Variants in KHDRBS3 observed in about 807,000 individuals in gnomAD.
KHDRBS3 encodes the protein KH domain-containing, RNA-binding, signal transduction-associated protein 3.
Under a neutral mutation model 45.6 loss-of-function variants are expected in KHDRBS3, and 23 were observed. That is an observed-to-expected ratio of 0.50 (90% CI 0.36 to 0.72). The LOEUF (loss-of-function observed/expected upper bound fraction) is 0.72. Among genes scored for constraint, KHDRBS3 ranks in the 30% least tolerant of loss-of-function variants. The pLI is 0.00. For synonymous variants in KHDRBS3, 162 were observed against 156.5 expected, an observed-to-expected ratio of 1.04 and a Z score of -0.26; for missense variants, 352 against 424.8, an observed-to-expected ratio of 0.83 and a Z score of 1.51.
At chr8:135,500,952 C>T (rs192841814) in intron 1 of KHDRBS3, among the ~76,000 whole-genome samples, 119 of 152,088 alleles carry the variant, frequency 7.8e-4, no homozygotes, top group African/African-American at 2.8e-3. Context: ...ATTGTTTTAG[C>T]CAAAAAACAT....
intron 3 of KHDRBS3, among the ~76,000 whole-genome samples, chr8:135,548,071 A>G (rs1246690473): frequency 6.6e-6 from 1 of 152,240 alleles, no homozygotes; most frequent in African/African-American, 2.4e-5. Flanking sequence ...CAGATAGAAT[A>G]TAGTGCTTGG....
Position 135,593,896 on chromosome 8 carries a change from G to A in KHDRBS3, c.807+11823G>A, listed in dbSNP as rs775842614. Among the ~76,000 whole-genome samples the A allele has an allele frequency of 1.0e-3, 155 of 152,168 alleles. 6 individuals carry two copies. Among genetic ancestry groups the A allele is most frequent in the Non-Finnish European group, 2.8e-4 (19 of 68,038 alleles). Reference sequence around the variant, plus strand: ...GGAAAGTACAACTGCTTGATGGAATGTGGTAAGACTTTAGAGGAGACAACA... The same window carrying A: ...GGAAAGTACAACTGCTTGATGGAATATGGTAAGACTTTAGAGGAGACAACA... On this transcript the variant is annotated intron_variant, in intron 6 of 8. Coordinates refer to ENST00000355849, the MANE Select transcript of KHDRBS3 (RefSeq NM_006558.3).
chr8:135,483,032 G>A lies in KHDRBS3; in HGVS notation c.88+25078G>A, dbSNP rs546290927. 6.8e-4 allele frequency among the ~76,000 whole-genome samples: 104 copies of A among 152,186 alleles called. 1 individual carries two copies. The South Asian group carries it at 0.02, about 30-fold the overall frequency. On this transcript the variant is annotated intron_variant, in intron 1 of 8. Coordinates refer to ENST00000355849, the MANE Select transcript of KHDRBS3 (RefSeq NM_006558.3). ...TGTTGTTCTCATGCTTATTCCTGGA[G>A]ACAATATCATTATTTGTTTTTTTTG...
chr8:135,557,606 T>G lies in KHDRBS3; in HGVS notation c.611+19T>G, dbSNP rs182855563. 1 of 1,598,010 alleles carries G rather than the reference T, an allele frequency of 6.3e-7. No homozygotes were observed. Among genetic ancestry groups the G allele is most frequent in the African/African-American group, 1.3e-5 (1 of 74,446 alleles). ...TAACCAGGTAGGTGTAAATTTTTTT[T>G]TAGGTTAACATACCGTGGCAGCAGT... On this transcript the variant is annotated intron_variant, in intron 5 of 8. Coordinates refer to ENST00000355849, the MANE Select transcript of KHDRBS3 (RefSeq NM_006558.3).
At chr8:135,530,576 G>A (rs1166776561) in intron 2 of KHDRBS3, among the ~76,000 whole-genome samples, 1 of 152,150 alleles carries the variant, frequency 6.6e-6, no homozygotes, top group African/African-American at 2.4e-5. Flanking sequence ...ACCTGTGTCT[G>A]TTCTGACTGT....
intron 7 of KHDRBS3, among the ~76,000 whole-genome samples, chr8:135,616,363 C>T (rs1829915987): frequency 6.6e-6 from 1 of 152,162 alleles, no homozygotes; most frequent in South Asian, 2.1e-4. Context: ...GTAGAGAAGA[C>T]CACCACATGG....
chr8:135,653,248 A>G, intron 4 of KHDRBS3, among the ~76,000 whole-genome samples: 1 of 152,186 alleles, frequency 6.6e-6, no homozygotes. Context: ...TTCCTTAAAG[A>G]TAGAAGAACC....
intron 5 of KHDRBS3, among the ~76,000 whole-genome samples, chr8:135,569,819 A>T (rs2130880292): frequency 6.6e-6 from 1 of 152,214 alleles, no homozygotes; most frequent in East Asian, 1.9e-4. Flanking sequence ...CTCAGTGCGG[A>T]GTGCCAGGCT....
chr8:135,473,586 T>C (rs1392004838), intron 1 of KHDRBS3, among the ~76,000 whole-genome samples: 1 of 152,178 alleles, frequency 6.6e-6, no homozygotes, highest in Non-Finnish European at 1.5e-5. Flanking sequence ...AATTGCCGGA[T>C]TTCCCCAGTC....
chr8:135,646,933 A>G (rs374349544), intron 8 of KHDRBS3, 60 bp from the exon 9 acceptor site: 18 of 930,790 alleles, frequency 1.9e-5, no homozygotes, highest in African/African-American at 1.5e-4. Context: ...AGAGTCTGAA[A>G]AATGAAGCCT....
rs562962806 is a variant in KHDRBS3, at chr8:135,624,871, G to A, written c.890+17834G>A. Among the ~76,000 whole-genome samples, 13 of 152,222 alleles carry A rather than the reference G, an allele frequency of 8.5e-5. No homozygotes were observed. The South Asian group carries it at 1.5e-3, about 17-fold the overall frequency. ...TACATTTCTCCACTGAGGTCGCCAC[G>A]TCAGCATATTATATAACACCTTCTC... On this transcript the variant is annotated intron_variant, in intron 7 of 8. Coordinates refer to ENST00000355849, the MANE Select transcript of KHDRBS3 (RefSeq NM_006558.3).
chr8:135,603,992 T>C (rs1829336689), intron 6 of KHDRBS3, among the ~76,000 whole-genome samples: 1 of 152,064 alleles, frequency 6.6e-6, no homozygotes, highest in Non-Finnish European at 1.5e-5. Flanking sequence ...TACTTATTAC[T>C]GAAAGTGTGT....
At chr8:135,497,432 A>C (rs1823512928) in intron 1 of KHDRBS3, among the ~76,000 whole-genome samples, 1 of 151,888 alleles carries the variant, frequency 6.6e-6, no homozygotes, top group Non-Finnish European at 1.5e-5. Flanking sequence ...GGCTGTTTTC[A>C]AGGCCTTTAG....
intron 7 of KHDRBS3, among the ~76,000 whole-genome samples, chr8:135,640,826 T>C (rs1163722644): frequency 6.6e-6 from 1 of 152,220 alleles, no homozygotes; most frequent in Non-Finnish European, 1.5e-5. Flanking sequence ...TGTCCATAAA[T>C]GAAGAGATTT....
In KHDRBS3 at chr8:135,598,199, T is replaced by G. The variant is rs1829054444; in HGVS notation, c.808-8756T>G. Among the ~76,000 whole-genome samples the G allele has an allele frequency of 2.0e-5, 3 of 152,238 alleles. No individual in the cohort carries two copies. In the South Asian group the frequency reaches 6.2e-4, roughly 32 times the overall value. On this transcript the variant is annotated intron_variant, in intron 6 of 8. Coordinates refer to ENST00000355849, the MANE Select transcript of KHDRBS3 (RefSeq NM_006558.3). ...TTCATCATATTCTATAAAAGTCAAA[T>G]ACCTTGGATAGCTTTGATTTTTCTC...
chr8:135,577,032 T>G (rs1403291024), intron 5 of KHDRBS3, among the ~76,000 whole-genome samples: 1 of 152,088 alleles, frequency 6.6e-6, no homozygotes, highest in Non-Finnish European at 1.5e-5. Context: ...TACAGTGACA[T>G]CAGAATGGTT....
intron 4 of KHDRBS3, among the ~76,000 whole-genome samples, chr8:135,654,650 G>A (rs576695058): frequency 6.6e-6 from 1 of 152,160 alleles, no homozygotes; most frequent in East Asian, 1.9e-4. Context: ...AAAGTCCTGC[G>A]ACCCTTCCTC....
intron 1 of KHDRBS3, among the ~76,000 whole-genome samples, chr8:135,469,522 G>GTTTTTTTTTTTTTTTTTTTTT (rs1491553952): frequency 9.6e-5 from 2 of 20,798 alleles, no homozygotes; most frequent in Non-Finnish European, 9.5e-5. Flanking sequence ...TTTTTGTTTT[G>GTTTTTTTTTTTTTTTTTTTTT]GTTTTTTTTT....
chr8:135,615,593 C>T (rs1201799353), intron 7 of KHDRBS3, among the ~76,000 whole-genome samples: 1 of 152,070 alleles, frequency 6.6e-6, no homozygotes, highest in East Asian at 1.9e-4. Context: ...TCAGATGCTA[C>T]ATGGGCAGAC....
Sources: allele counts gnomAD v4.1 joint callset (sites outside exome capture counted in the v4.1 genomes callset), GRCh38; gene constraint gnomAD v4.1.1; transcripts MANE v1.5; gene names NCBI Gene and HGNC (gene_info 2026-07-23, HGNC 2026-07-21).